Variants in UPF3B observed in about 807,000 individuals in gnomAD.
UPF3B encodes UPF3B regulator of nonsense mediated mRNA decay, also known as regulator of nonsense transcripts 3B.
Under a neutral mutation model 40.3 loss-of-function variants are expected in UPF3B, and 7 were observed. The observed-to-expected ratio is 0.17, with a 90% CI of 0.10 to 0.33. The LOEUF is 0.33. UPF3B is among the 10% of genes least tolerant of loss of function. The pLI is 1.00. For synonymous variants in UPF3B, 117 were observed against 117.3 expected (o/e 1.00, Z 0.01); for missense variants, 229 against 358.9 (o/e 0.64, Z 2.93).
intron 8 of UPF3B, among the ~76,000 whole-genome samples, chrX:119,838,963 G>C (rs1454535455): frequency 9.0e-6 from 1 of 111,079 alleles, no homozygotes; most frequent in Non-Finnish European, 1.9e-5. Flanking sequence ...TTTTTGTAGA[G>C]ACAAGGTCTC....
chrX:119,838,257 C>A, intron 9 of UPF3B, 110 bp downstream of exon 9: 1 of 959,265 alleles, frequency 1.0e-6, no homozygotes, highest in Non-Finnish European at 1.5e-6. Context: ...TCCTCCTCAT[C>A]CCCCTGCCCT....
downstream of UPF3B, among the ~76,000 whole-genome samples, chrX:119,832,667 G>T (rs1232558867): frequency 1.8e-5 from 2 of 111,119 alleles, no homozygotes; most frequent in East Asian, 5.6e-4. Context: ...CTTGAATAAT[G>T]ATATAATTGG....
chrX:119,823,556 C>CTTTTTTTTTTTTTTTTT (rs1569459617), intron 3 of UPF3B, among the ~76,000 whole-genome samples: 3 of 42,090 alleles, frequency 7.1e-5, no homozygotes, highest in Non-Finnish European at 6.5e-5. Context: ...TCTTTTTTTC[C>CTTTTTTTTTTTTTTTTT]TCTTTTTTTT....
Position 119,843,285 on chromosome X carries a change from C to T in UPF3B, c.486G>A (p.Lys162=). Residue 162 remains lysine (K), a synonymous_variant, in exon 5 of 11, where the codon AAG becomes AAA. Coordinates refer to ENST00000276201, the MANE Select transcript of UPF3B (RefSeq NM_080632.3). ...TATCTGTGGCATAACTTTCCAAAAA[C>T]TTTCTATATTCTGGATCTAAATAAT... ...GTIDDDPEYR[K]FLESYATDNE... 8.5e-7 allele frequency: 1 copy of T among 1,179,057 alleles called. No individual in the cohort carries two copies. Among genetic ancestry groups the T allele is most frequent in the Non-Finnish European group, 1.2e-6 (1 of 866,023 alleles).
chrX:119,833,632 G>A (rs183955583), downstream of UPF3B, among the ~76,000 whole-genome samples: 411 of 111,697 alleles, frequency 3.7e-3, no homozygotes, highest in Non-Finnish European at 6.0e-3. Context: ...TCAGCCTCCC[G>A]AGTAGCTGGG....
intron 4 of UPF3B, among the ~76,000 whole-genome samples, chrX:119,820,252 T>G (rs1231302480): frequency 1.8e-5 from 2 of 111,834 alleles, no homozygotes; most frequent in African/African-American, 3.2e-5. Flanking sequence ...GAAGTGATTC[T>G]CCTGTCTGAG....
downstream of UPF3B, among the ~76,000 whole-genome samples, chrX:119,830,154 C>A (rs889517088): frequency 1.8e-4 from 20 of 111,447 alleles, no homozygotes; most frequent in Non-Finnish European, 2.4e-4. Flanking sequence ...GAAGGGCTGG[C>A]AGAATGAATG....
chrX:119,840,598 G>A (rs746315166), intron 8 of UPF3B, 48 bp downstream of exon 8: 1 of 1,136,132 alleles, frequency 8.8e-7, no homozygotes, highest in Non-Finnish European at 1.2e-6. Context: ...TAAGACCTGT[G>A]TGTGTGACAT....
intron 5 of UPF3B, among the ~76,000 whole-genome samples, chrX:119,812,143 C>T (rs1306790633): frequency 9.0e-6 from 1 of 110,759 alleles, no homozygotes. Context: ...AATCCAGCTA[C>T]TTGGGAGGCA....
chrX:119,837,376 G>T lies in UPF3B; in HGVS notation c.1302+381C>A, dbSNP rs765675824. Among the ~76,000 whole-genome samples the T allele has an allele frequency of 3.7e-5, 4 of 109,309 alleles. No homozygotes were observed. In the South Asian group the frequency reaches 1.6e-3, roughly 44 times the overall value. 94.9% of individuals were successfully genotyped at this position (109,309 alleles called of 115,157 possible). On this transcript the variant is annotated intron_variant, in intron 10 of 10. Transcript: ENST00000276201. Reference sequence around the variant, plus strand: ...CACGCCTGTAATCCCAGCACTTTGGGAGGCTGAGGCAGGTGGATCACGAGG... The same window carrying T: ...CACGCCTGTAATCCCAGCACTTTGGTAGGCTGAGGCAGGTGGATCACGAGG...
At chrX:119,830,329 T>C (rs2496202), downstream of UPF3B, among the ~76,000 whole-genome samples, 5,825 of 110,569 alleles carry the variant, frequency 0.053, 346 homozygotes, top group African/African-American at 0.18. Flanking sequence ...GGGCAGATCC[T>C]TCATGGCTTG....
Position 119,834,415 on chromosome X carries a change from T to C in UPF3B, c.*463A>G, listed in dbSNP as rs1603369284. On this transcript the variant is annotated 3_prime_UTR_variant, in exon 11 of 11. Coordinates refer to ENST00000276201, the MANE Select transcript of UPF3B (RefSeq NM_080632.3). ...ACTACAAGGACATGCTTGTTGCTTC[T>C]ACACTACCCAATGTCAACACTTATC... is the stretch of plus-strand genomic sequence containing the variant. 1 of 799,002 alleles carries C rather than the reference T, an allele frequency of 1.3e-6. No individual in the cohort carries two copies. Among genetic ancestry groups the C allele is most frequent in the East Asian group, 1.1e-4 (1 of 9,229 alleles). The allele number at this position is 799,002 out of a possible 1,213,427, so 65.8% of individuals were successfully genotyped here.
In UPF3B at chrX:119,837,801, C is replaced by T; in HGVS notation, c.1258G>A (p.Glu420Lys). 8.3e-7 allele frequency: 1 copy of T among 1,210,628 alleles called. No individual in the cohort carries two copies. The highest frequency in any genetic ancestry group is 1.1e-6 in the Non-Finnish European group (1 of 895,336). ...CTCTTGACCACTTCTTCTTTCTTTT[C>T]AGTTTTTTCTGAGCTGCCTATTGAT... ...TESIGSSEKT[E>K]KKEEVVKRDR... is the part of the protein sequence containing the mutation. The change falls in exon 10 of 11, where the codon GAA (glutamate) becomes AAA (lysine). Residue 420 changes from glutamate (E) to lysine (K), a missense_variant. Physicochemically the swap from Glu to Lys is moderately conservative, Grantham distance 56. Transcript: ENST00000276201.
chrX:119,834,574 T>C lies in UPF3B; in HGVS notation c.*304A>G, dbSNP rs2056071400. ...CAGCTCTTACTTTTCTCTCGTGTCA[T>C]ATGTGATGAAGTCCTCACTTGACAA... On this transcript the variant is annotated 3_prime_UTR_variant, in exon 11 of 11. Transcript: ENST00000276201. 1 of 973,290 alleles carries C rather than the reference T, an allele frequency of 1.0e-6. No homozygotes were observed. The highest frequency in any genetic ancestry group is 2.0e-5 in the African/African-American group (1 of 50,852). 80.2% of individuals were successfully genotyped at this position (973,290 alleles called of 1,213,427 possible).
At chrX:119,851,948 G>GT (rs746448059) in intron 1 of UPF3B, 75 bp from the exon 2 acceptor site, 1 of 692,030 alleles carries the variant, frequency 1.4e-6, no homozygotes, top group East Asian at 3.5e-5. Context: ...CACAGTTCCT[G>GT]AAGAAGGCTG....
chrX:119,837,454 A>G (rs767181472), intron 10 of UPF3B, among the ~76,000 whole-genome samples: 5 of 106,725 alleles, frequency 4.7e-5, no homozygotes, highest in African/African-American at 1.4e-4. Context: ...TCTCTACTAA[A>G]AATACAAAAA....
chrX:119,850,060 T>TG (rs200538827), intron 3 of UPF3B, among the ~76,000 whole-genome samples: 3,002 of 56,777 alleles, frequency 0.053, 104 homozygotes, highest in African/African-American at 0.16. Flanking sequence ...GAGGCTGAGG[T>TG]GGGGGGGGGG....
At chrX:119,805,648 C>A (rs1478112402) in intron 6 of UPF3B, among the ~76,000 whole-genome samples, 1 of 111,013 alleles carries the variant, frequency 9.0e-6, no homozygotes, top group African/African-American at 3.3e-5. Context: ...CAAGAAAAAA[C>A]AACCCCATCA....
chrX:119,829,027 TTC>T (rs1285054562), downstream of UPF3B, among the ~76,000 whole-genome samples: 3 of 110,330 alleles, frequency 2.7e-5, no homozygotes, highest in Non-Finnish European at 3.8e-5. Flanking sequence ...AGCCAATTCT[TTC>T]TTTTTTTTCT....
Sources: gnomAD v4.1 joint callset for allele counts (sites outside exome capture counted in the v4.1 genomes callset) on GRCh38, gnomAD v4.1.1 for gene constraint, MANE v1.5 for transcripts, NCBI Gene and HGNC (gene_info 2026-07-23, HGNC 2026-07-21) for gene names.